The following ACOXL variants were observed in gnomAD, a reference collection of about 807,000 sequenced individuals.
ACOXL encodes the protein acyl-coenzyme A oxidase-like protein.
ACOXL carries 70 observed loss-of-function variants against 71.9 expected under a neutral mutation model. The observed-to-expected ratio is 0.97, with a 90% confidence interval of 0.80 to 1.19. The LOEUF (loss-of-function observed/expected upper bound fraction) is 1.19, where lower values mean the gene tolerates loss of function less well. Among genes scored for constraint, ACOXL ranks in the 50% most tolerant of loss-of-function variants. The pLI, the probability that ACOXL is intolerant of heterozygous loss-of-function variation, is 0.00. For synonymous variants in ACOXL, 253 were observed against 281.6 expected (o/e 0.90, Z 1.02); for missense variants, 703 against 736.3 (o/e 0.95, Z 0.52).
At position 111,108,536 on chromosome 2, in the gene ACOXL, G is replaced by A. The variant is rs546064664; in HGVS notation, c.1543-9080G>A. Among the ~76,000 whole-genome samples the A allele has an allele frequency of 1.1e-3, 169 of 152,036 alleles. 2 individuals are homozygous for A. Among genetic ancestry groups the A allele is most frequent in the Admixed American group, 5.6e-3 (86 of 15,272 alleles). ...GAGGATTACAGGCATGTGCCACCAC[G>A]CCTGGCTAATTTTTGTATTTTTAGT... is the stretch of plus-strand genomic sequence containing the variant. On this transcript the variant is annotated intron_variant, in intron 17 of 17. Transcript: ENST00000439055.
chr2:110,859,182 A>AT (rs1371055248), intron 10 of ACOXL, among the ~76,000 whole-genome samples: 1 of 152,222 alleles, frequency 6.6e-6, no homozygotes, highest in Non-Finnish European at 1.5e-5. Context: ...TATTTGAAAA[A>AT]TCCAAAACAA....
chr2:111,023,269 C>T (rs992971753), intron 14 of ACOXL, among the ~76,000 whole-genome samples: 1 of 152,072 alleles, frequency 6.6e-6, no homozygotes, highest in Non-Finnish European at 1.5e-5. Context: ...TCAAATCACT[C>T]TAAGGACATA....
chr2:110,994,652 G>A (rs1397107966), intron 13 of ACOXL, among the ~76,000 whole-genome samples: 2 of 152,102 alleles, frequency 1.3e-5, no homozygotes, highest in Non-Finnish European at 2.9e-5. Flanking sequence ...ATGATGAAAA[G>A]CTCACGAGCT....
At chr2:111,001,107 G>A (rs1473952567) in intron 14 of ACOXL, among the ~76,000 whole-genome samples, 1 of 152,190 alleles carries the variant, frequency 6.6e-6, no homozygotes, top group Admixed American at 6.5e-5. Flanking sequence ...GAGTTTACAA[G>A]TATGTCTTTC....
chr2:111,059,104 G>A (rs763868293), intron 16 of ACOXL, among the ~76,000 whole-genome samples: 2 of 152,180 alleles, frequency 1.3e-5, no homozygotes, highest in Non-Finnish European at 2.9e-5. Context: ...AGGCAAGGTG[G>A]TACATGCCTG....
At chr2:110,852,391 G>A (rs927549934) in intron 10 of ACOXL, among the ~76,000 whole-genome samples, 1 of 152,296 alleles carries the variant, frequency 6.6e-6, no homozygotes, top group Non-Finnish European at 1.5e-5. Context: ...GGCCTGACCT[G>A]CAAGCCCAGC....
chr2:110,989,905 T>C (rs2063102002), intron 13 of ACOXL, among the ~76,000 whole-genome samples: 2 of 152,084 alleles, frequency 1.3e-5, no homozygotes. Context: ...CCAGGCATGG[T>C]GGCACATGCT....
chr2:110,874,101 G>A (rs973138660), intron 10 of ACOXL, among the ~76,000 whole-genome samples: 2 of 152,214 alleles, frequency 1.3e-5, no homozygotes, highest in African/African-American at 2.4e-5. Flanking sequence ...GCAGGTGGGC[G>A]CTGCTTGCCT....
intron 1 of ACOXL, among the ~76,000 whole-genome samples, chr2:110,750,419 T>C (rs186828844): frequency 6.6e-6 from 1 of 152,206 alleles, no homozygotes; most frequent in African/African-American, 2.4e-5. Flanking sequence ...CCTGCCCCTG[T>C]CCTAGAATCA....
At chr2:111,019,884 G>A (rs1266228292) in intron 14 of ACOXL, among the ~76,000 whole-genome samples, 1 of 151,434 alleles carries the variant, frequency 6.6e-6, no homozygotes, top group Admixed American at 6.6e-5. Context: ...TTTTTGAAAC[G>A]GAGTCTCCCG....
At chr2:110,977,156 G>A (rs901591327) in intron 12 of ACOXL, among the ~76,000 whole-genome samples, 1 of 152,160 alleles carries the variant, frequency 6.6e-6, no homozygotes, top group Non-Finnish European at 1.5e-5. Context: ...GGAGGCCGAG[G>A]TGGGCGGATC....
At chr2:110,924,536 C>G (rs189466914) in intron 11 of ACOXL, among the ~76,000 whole-genome samples, 136 of 152,276 alleles carry the variant, frequency 8.9e-4, no homozygotes, top group African/African-American at 3.2e-3. Flanking sequence ...GGAGTAGATT[C>G]TATCTCAAGA....
chr2:111,047,565 C>T (rs1216591816), intron 15 of ACOXL, among the ~76,000 whole-genome samples: 1 of 152,124 alleles, frequency 6.6e-6, no homozygotes, highest in Non-Finnish European at 1.5e-5. Flanking sequence ...AAACTGAGGA[C>T]GGAGTTGAGG....
intron 1 of ACOXL, among the ~76,000 whole-genome samples, chr2:110,759,966 A>G (rs1039960381): frequency 2.0e-5 from 3 of 151,926 alleles, no homozygotes; most frequent in Non-Finnish European, 2.9e-5. Flanking sequence ...TACTTTTGCA[A>G]GTGGGATCTT....
chr2:110,775,115 C>T (rs1006987081), intron 2 of ACOXL, among the ~76,000 whole-genome samples: 74 of 152,300 alleles, frequency 4.9e-4, no homozygotes, highest in African/African-American at 1.7e-3. Flanking sequence ...TGGATATCTA[C>T]AAGCCAAGTA....
At chr2:110,918,896 G>T (rs903834224) in intron 11 of ACOXL, among the ~76,000 whole-genome samples, 2 of 152,216 alleles carry the variant, frequency 1.3e-5, no homozygotes, top group Non-Finnish European at 2.9e-5. Context: ...TAAAATGTCA[G>T]AAAACAACAG....
At chr2:110,997,569 A>G (rs181836583) in intron 14 of ACOXL, among the ~76,000 whole-genome samples, 42 of 152,338 alleles carry the variant, frequency 2.8e-4, no homozygotes, top group African/African-American at 9.4e-4. Context: ...AGTACAGCCA[A>G]TGGAAAGATA....
chr2:110,962,135 A>G (rs896351874), intron 12 of ACOXL, among the ~76,000 whole-genome samples: 1 of 152,228 alleles, frequency 6.6e-6, no homozygotes, highest in Non-Finnish European at 1.5e-5. Context: ...TGCCTTCTTC[A>G]CAGGGCTGTT....
At chr2:110,883,967 G>A (rs1406856593) in intron 10 of ACOXL, among the ~76,000 whole-genome samples, 3 of 152,174 alleles carry the variant, frequency 2.0e-5, no homozygotes, top group East Asian at 1.9e-4. Flanking sequence ...ATGTGATGGA[G>A]TACAACGTGG....
Sources: gnomAD v4.1 joint callset for allele counts (sites outside exome capture counted in the v4.1 genomes callset) on GRCh38, gnomAD v4.1.1 for gene constraint, MANE v1.5 for transcripts, NCBI Gene and HGNC (gene_info 2026-07-23, HGNC 2026-07-21) for gene names.